ITGBL1: variants seen among roughly 807,000 people sequenced by gnomAD.
ITGBL1 encodes the protein integrin subunit beta like 1.
ITGBL1 carries 51 observed loss-of-function variants against 68.5 expected under a neutral mutation model. The observed-to-expected ratio is 0.74, with a 90% CI of 0.59 to 0.94. The LOEUF is 0.94. Among genes scored for constraint, ITGBL1 ranks in the 40% least tolerant of loss-of-function variants. The probability of loss-of-function intolerance (pLI) is 0.00; values close to 1 mark genes in which losing one functional copy is unlikely to be tolerated. For synonymous variants in ITGBL1, 209 were observed against 227.3 expected (o/e 0.92, Z 0.72); for missense variants, 649 against 647.4 (o/e 1.00, Z -0.03).
chr13:101,649,896 A>G (rs2032686693), intron 7 of ITGBL1, among the ~76,000 whole-genome samples: 1 of 152,176 alleles, frequency 6.6e-6, no homozygotes. Flanking sequence ...TTTTTCAAGA[A>G]GCTCTCAGGG....
chr13:101,630,330 A>T lies in ITGBL1; in HGVS notation c.1015+32031A>T, dbSNP rs565535632. On this transcript the variant is annotated intron_variant, in intron 7 of 10. Transcript: ENST00000376180. ...GACAAATCATTCAATATTTTGAATG[A>T]CAATATTTTCTTTCTCTCTAAATGC... Among the ~76,000 whole-genome samples, 14 of 152,252 alleles carry T rather than the reference A, an allele frequency of 9.2e-5. No individual in the cohort carries two copies. In the South Asian group the frequency reaches 2.7e-3, roughly 29 times the overall value.
intron 7 of ITGBL1, among the ~76,000 whole-genome samples, chr13:101,604,887 T>TATATATGTATATATATATATAC: frequency 3.6e-4 from 8 of 22,166 alleles, no homozygotes; most frequent in Admixed American, 8.1e-4. Flanking sequence ...TATATATATA[T>TATATATGTATATATATATATAC]ACACACACAC....
intron 2 of ITGBL1, among the ~76,000 whole-genome samples, chr13:101,555,710 G>A: frequency 6.6e-6 from 1 of 151,990 alleles, no homozygotes; most frequent in African/African-American, 2.4e-5. Context: ...GTTTTATATA[G>A]ATAAAACATT....
chr13:101,652,676 A>G (rs1055473474), intron 7 of ITGBL1, among the ~76,000 whole-genome samples: 5 of 152,148 alleles, frequency 3.3e-5, no homozygotes, highest in African/African-American at 1.2e-4. Flanking sequence ...AATTGTTCAA[A>G]CCTATCAACT....
At chr13:101,625,477 C>T (rs924443020) in intron 7 of ITGBL1, among the ~76,000 whole-genome samples, 9 of 152,012 alleles carry the variant, frequency 5.9e-5, no homozygotes, top group Admixed American at 1.3e-4. Context: ...AGTGGTAGCT[C>T]GATAGTTGTG....
intron 2 of ITGBL1, among the ~76,000 whole-genome samples, chr13:101,531,373 C>A (rs939900760): frequency 1.3e-5 from 2 of 152,082 alleles, no homozygotes; most frequent in Middle Eastern, 3.2e-3. Flanking sequence ...CATTAATATT[C>A]ATTCACTTAT....
intron 2 of ITGBL1, among the ~76,000 whole-genome samples, chr13:101,527,169 T>C (rs939554466): frequency 6.6e-6 from 1 of 152,142 alleles, no homozygotes; most frequent in Non-Finnish European, 1.5e-5. Flanking sequence ...TGCCCATACA[T>C]GCATGTTTGA....
chr13:101,629,190 G>A (rs1594940708), intron 7 of ITGBL1, among the ~76,000 whole-genome samples: 2 of 152,042 alleles, frequency 1.3e-5, no homozygotes, highest in East Asian at 3.9e-4. Flanking sequence ...ATTCCTTTGA[G>A]TCAGATTTGT....
chr13:101,658,882 AAAT>A (rs1234615676), intron 7 of ITGBL1, among the ~76,000 whole-genome samples: 3 of 148,276 alleles, frequency 2.0e-5, no homozygotes. Flanking sequence ...TAATAGTAAT[AAAT>A]AATAAAAAAT....
At chr13:101,622,892 T>C (rs2031636197) in intron 7 of ITGBL1, among the ~76,000 whole-genome samples, 1 of 145,886 alleles carries the variant, frequency 6.9e-6, no homozygotes, top group East Asian at 2.0e-4. Flanking sequence ...GAAATGAGGC[T>C]GGGATGTGTG....
intron 2 of ITGBL1, among the ~76,000 whole-genome samples, chr13:101,484,420 T>C (rs1231537177): frequency 1.3e-5 from 2 of 152,152 alleles, no homozygotes; most frequent in Non-Finnish European, 1.5e-5. Context: ...TCAGTGATTT[T>C]TCTATTCCAA....
chr13:101,554,025 C>T (rs867504087), intron 2 of ITGBL1, among the ~76,000 whole-genome samples: 5 of 152,086 alleles, frequency 3.3e-5, no homozygotes, highest in Middle Eastern at 3.2e-3. Flanking sequence ...CCTCCTGTCT[C>T]GGCCTCCCAA....
intron 7 of ITGBL1, among the ~76,000 whole-genome samples, chr13:101,683,640 A>C (rs975347171): frequency 1.3e-5 from 2 of 151,978 alleles, no homozygotes; most frequent in Non-Finnish European, 2.9e-5. Context: ...TTCACTAGAT[A>C]ATGCCAAACG....
At chr13:101,649,519 A>C (rs1319249996) in intron 7 of ITGBL1, among the ~76,000 whole-genome samples, 2 of 152,194 alleles carry the variant, frequency 1.3e-5, no homozygotes, top group Non-Finnish European at 2.9e-5. Context: ...ATTTTTAAAA[A>C]TATTGTCAAG....
At chr13:101,626,773 G>A (rs2031793543) in intron 7 of ITGBL1, among the ~76,000 whole-genome samples, 1 of 152,136 alleles carries the variant, frequency 6.6e-6, no homozygotes, top group Non-Finnish European at 1.5e-5. Flanking sequence ...GACAATAGGA[G>A]TACATCTTTT....
chr13:101,637,930 C>T (rs537964807), intron 7 of ITGBL1, among the ~76,000 whole-genome samples: 23 of 152,238 alleles, frequency 1.5e-4, no homozygotes, highest in African/African-American at 5.5e-4. Flanking sequence ...TCTGTTGCCC[C>T]ATTTAATGAT....
At chr13:101,638,438 A>T (rs1288573753) in intron 7 of ITGBL1, among the ~76,000 whole-genome samples, 1 of 151,926 alleles carries the variant, frequency 6.6e-6, no homozygotes, top group Admixed American at 6.6e-5. Flanking sequence ...AAAAAATAAA[A>T]AAAAAAAAAC....
At chr13:101,541,297 A>G (rs1248036571) in intron 2 of ITGBL1, among the ~76,000 whole-genome samples, 1 of 152,112 alleles carries the variant, frequency 6.6e-6, no homozygotes, top group Non-Finnish European at 1.5e-5. Context: ...CCTTTTCTGC[A>G]TCTATTGAGA....
downstream of ITGBL1, chr13:101,718,961 A>G (rs1006857800): frequency 6.6e-6 from 1 of 151,910 alleles, no homozygotes; most frequent in East Asian, 1.9e-4. Flanking sequence ...CTGGATTTTG[A>G]TATGCCTGCA....
Sources: gnomAD v4.1 joint callset for allele counts (sites outside exome capture counted in the v4.1 genomes callset) on GRCh38, gnomAD v4.1.1 for gene constraint, MANE v1.5 for transcripts, NCBI Gene and HGNC (gene_info 2026-07-23, HGNC 2026-07-21) for gene names.